COL5A3: variants seen among roughly 807,000 people sequenced by gnomAD.
COL5A3 encodes the protein collagen alpha-3(V) chain.
COL5A3 carries 172 observed loss-of-function variants against 250.0 expected under a neutral mutation model. The ratio of observed to expected loss-of-function variants is 0.69; its 90% CI spans 0.61 to 0.78. The LOEUF is 0.78. Ranked by LOEUF, COL5A3 falls within the 30% of genes least tolerant of loss-of-function variation. The probability of loss-of-function intolerance (pLI) is 0.00; values close to 1 mark genes in which losing one functional copy is unlikely to be tolerated. For synonymous variants in COL5A3, 937 were observed against 900.4 expected (o/e 1.04, Z -0.73); for missense variants, 2,340 against 2,334.4 (o/e 1.00, Z -0.05).
Position 9,968,681 on chromosome 19 carries a change from C to T in COL5A3, c.4200G>A (p.Gly1400=). The part of the protein sequence containing the change: ...PGLKGDTGPK[G]EKGHIGLIGL... ...AATGGAATGATGTCCTTACCTTTTC[C>T]CCCTTGGGGCCAGTGTCTCCCTTCA... The change falls in exon 58 of 67, where the codon GGG becomes GGA. Residue 1400 remains glycine (G), a synonymous_variant. Coordinates refer to ENST00000264828, the MANE Select transcript of COL5A3 (RefSeq NM_015719.4). This position sits in a 1 kb window ranked among gnomAD's most constrained non-coding sequence, Gnocchi z 4.1. 4 of 1,606,068 alleles carry T rather than the reference C, an allele frequency of 2.5e-6. No homozygotes were observed. The highest frequency in any genetic ancestry group is 3.4e-6 in the Non-Finnish European group (4 of 1,177,208).
intron 54 of COL5A3, among the ~76,000 whole-genome samples, chr19:9,970,406 G>C (rs2086822480): frequency 1.4e-5 from 1 of 70,862 alleles, no homozygotes. Flanking sequence ...TGGGGTCTGT[G>C]GGGTGAGTGG....
At chr19:10,005,308 C>A (rs2087425718) in intron 4 of COL5A3, among the ~76,000 whole-genome samples, 1 of 151,648 alleles carries the variant, frequency 6.6e-6, no homozygotes, top group Non-Finnish European at 1.5e-5. Context: ...TGAGATCAAG[C>A]CACTGCACTC....
At chr19:10,006,711 C>T (rs2087449034) in intron 1 of COL5A3, among the ~76,000 whole-genome samples, 1 of 152,076 alleles carries the variant, frequency 6.6e-6, no homozygotes, top group Admixed American at 6.5e-5. Context: ...CCATCACCCA[C>T]AACCTCTTCC....
rs747759254 is a variant in COL5A3 at position 9,970,605 on chromosome 19, G to C, written c.3936+17C>G. 5.6e-6 allele frequency: 8 copies of C among 1,427,368 alleles called. No individual in the cohort carries two copies. Among genetic ancestry groups the C allele is most frequent in the Non-Finnish European group, 6.4e-6 (7 of 1,088,662 alleles). The allele number at this position is 1,427,368 out of a possible 1,614,324, so 88.4% of individuals were successfully genotyped here. A position where few individuals can be genotyped will look rare whatever the true frequency, so the allele number is the denominator to read the frequency against. ...CTGTAGATAAGCTGAGGACCCAGGA[G>C]GTGGCTTATCACTTACCCTCTTGCC... is the stretch of plus-strand genomic sequence containing the variant. On this transcript the variant is annotated intron_variant, in intron 54 of 66. Coordinates refer to ENST00000264828, the MANE Select transcript of COL5A3 (RefSeq NM_015719.4).
intron 49 of COL5A3, 49 bp downstream of exon 49, chr19:9,973,707 A>G (rs759863398): frequency 2.5e-6 from 4 of 1,613,044 alleles, no homozygotes; most frequent in Non-Finnish European, 3.4e-6. Context: ...GCCCAATAGG[A>G]CTAGATTTAT....
At position 9,977,598 on chromosome 19, in the gene COL5A3, G is replaced by A. The variant is rs2086941408; in HGVS notation, c.3122C>T (p.Ser1041Phe). Residue 1041 changes from serine (S) to phenylalanine (F), a missense_variant, in exon 42 of 67, where the codon TCC becomes TTC. Physicochemically the swap from Ser to Phe is radical, Grantham distance 155. Around this residue, in one of 3 missense-constraint regions of COL5A3, gnomAD observed 1,179 missense variants for 1,162.6 expected, o/e 1.01. Coordinates refer to ENST00000264828, the MANE Select transcript of COL5A3 (RefSeq NM_015719.4). ...TGGGATGGGCAAGTCACTTACCCGG[G>A]ACCCCTTCTTGCCTGCAGGGCCAAC... The part of the protein sequence containing the change: ...GPVGPAGKKG[S>F]RGERGPPGPT... The A allele has an allele frequency of 6.3e-7, 1 of 1,586,176 alleles. No individual in the cohort carries two copies. The highest frequency in any genetic ancestry group is 8.6e-7 in the Non-Finnish European group (1 of 1,166,306).
chr19:9,989,027 TC>T lies in COL5A3; in HGVS notation c.2145+96del. 3.8e-6 allele frequency: 5 copies of T among 1,301,114 alleles called. No homozygotes were observed. In the South Asian group the frequency reaches 5.9e-5, roughly 15 times the overall value. The allele number at this position is 1,301,114 out of a possible 1,614,324, so 80.6% of individuals were successfully genotyped here. A position where few individuals can be genotyped will look rare whatever the true frequency, so the allele number is the denominator to read the frequency against. On this transcript the variant is annotated intron_variant, in intron 27 of 66. Transcript: ENST00000264828. The stretch of plus-strand genomic sequence containing the variant: ...ACTACATTTGGCCTGGCCAACTGAT[TC>T]CCCTCTCCACACATCCAGAAGTTTC...
chr19:9,981,467 C>T (rs930924966), intron 32 of COL5A3, among the ~76,000 whole-genome samples: 5 of 152,140 alleles, frequency 3.3e-5, no homozygotes, highest in African/African-American at 1.2e-4. Context: ...GAAGATGACA[C>T]AGAACTCATC....
rs2161468 is a variant in COL5A3 at position 9,977,595 on chromosome 19, C to G, written c.3125G>C (p.Arg1042Pro). The change falls in exon 42 of 67, where the codon CGG becomes CCG. Residue 1042 changes from arginine (R) to proline (P), a missense_variant and splice_region_variant. Transcript: ENST00000264828. ...PVGPAGKKGS[R>P]GERGPPGPTG... ...GAATGGGATGGGCAAGTCACTTACCCGGGACCCCTTCTTGCCTGCAGGGCC... is the reference window on the plus strand; with the variant it reads ...GAATGGGATGGGCAAGTCACTTACCGGGGACCCCTTCTTGCCTGCAGGGCC... 0.4 allele frequency: 630,677 copies of G among 1,580,152 alleles called. 126,938 individuals carry two copies. The highest frequency in any genetic ancestry group is 0.41 in the Non-Finnish European group (480,532 of 1,162,804).
Position 9,966,656 on chromosome 19 carries a change from G to C in COL5A3, c.4549C>G (p.Leu1517Val). The part of the protein sequence containing the change: ...PVVEGGLEEV[L>V]ASLTSLSLEL... Reference sequence around the variant, plus strand: ...AAGCTCAGCGATGTGAGCGAGGCCAGCACCTCCTCCAGGCCGCCCTCCACG... The same window carrying C: ...AAGCTCAGCGATGTGAGCGAGGCCACCACCTCCTCCAGGCCGCCCTCCACG... The change falls in exon 63 of 67, where the codon CTG becomes GTG. Residue 1517 changes from leucine to valine, a missense_variant. By Grantham distance (32) the Leu-to-Val change is conservative. Coordinates refer to ENST00000264828, the MANE Select transcript of COL5A3 (RefSeq NM_015719.4). The C allele has an allele frequency of 6.5e-7, 1 of 1,538,246 alleles. No homozygotes were observed. Among genetic ancestry groups the C allele is most frequent in the Non-Finnish European group, 8.7e-7 (1 of 1,147,278 alleles).
At chr19:9,998,258 G>A (rs914038439) in intron 8 of COL5A3, 109 bp from the exon 9 acceptor site, 74 of 943,128 alleles carry the variant, frequency 7.8e-5, no homozygotes, top group Non-Finnish European at 9.8e-5. Flanking sequence ...ACACACACAC[G>A]GAGTCCACCC....
intron 16 of COL5A3, among the ~76,000 whole-genome samples, chr19:9,994,376 G>A (rs2087239617): frequency 6.7e-6 from 1 of 149,528 alleles, no homozygotes; most frequent in Non-Finnish European, 1.5e-5. Flanking sequence ...TAGAGACCGG[G>A]TTTTGCCATG....
In COL5A3 at chr19:9,993,078, G is replaced by C; in HGVS notation, c.1750-11C>G. 6.2e-7 allele frequency: 1 copy of C among 1,613,776 alleles called. No individual in the cohort carries two copies. Among genetic ancestry groups the C allele is most frequent in the Non-Finnish European group, 8.5e-7 (1 of 1,179,814 alleles). ...AGGTCCCTCTGCTCCCTGTGGAAAA[G>C]CGTCATTACTTGGGAACAGGAAGGT... is the stretch of plus-strand genomic sequence containing the variant. On this transcript the variant is annotated splice_polypyrimidine_tract_variant and intron_variant, in intron 19 of 66. Coordinates refer to ENST00000264828, the MANE Select transcript of COL5A3 (RefSeq NM_015719.4).
chr19:10,001,869 T>C lies in COL5A3; in HGVS notation c.862A>G (p.Ile288Val). ...DSAENQTSTD[I>V]PKTETPAPNL... is the part of the protein sequence containing the mutation. ...GGAGCTGGAGTCTCTGTCTTGGGGA[T>C]GTCAGTGGAGGTCTGGAGCAGGGAT... Residue 288 changes from isoleucine (I) to valine (V), a missense_variant, in exon 7 of 67, where the codon ATC becomes GTC. Physicochemically the swap from Ile to Val is conservative, Grantham distance 29. Coordinates refer to ENST00000264828, the MANE Select transcript of COL5A3 (RefSeq NM_015719.4). 6.2e-7 allele frequency: 1 copy of C among 1,613,618 alleles called. No individual in the cohort carries two copies. Among genetic ancestry groups the C allele is most frequent in the Non-Finnish European group, 8.5e-7 (1 of 1,179,760 alleles).
In COL5A3 at chr19:9,973,526, G is replaced by T; in HGVS notation, c.3666+44C>A. ...GGCCCAAGATGCCCAGGGGTCAGGG[G>T]TTCCCTGAGTTGGGTGCAGGGACCA... is the stretch of plus-strand genomic sequence containing the variant. On this transcript the variant is annotated intron_variant, in intron 50 of 66. Transcript: ENST00000264828. The T allele has an allele frequency of 3.2e-6, 5 of 1,581,812 alleles. No homozygotes were observed. In the South Asian group the frequency reaches 4.6e-5, roughly 15 times the overall value.
intron 31 of COL5A3, among the ~76,000 whole-genome samples, chr19:9,984,427 C>T (rs761971840): frequency 1.3e-5 from 2 of 152,174 alleles, no homozygotes; most frequent in Non-Finnish European, 2.9e-5. Context: ...AGTGTCCTCA[C>T]CCATCAAAAC....
Position 9,966,649 on chromosome 19 carries a change from G to T in COL5A3, c.4556C>A (p.Ser1519Ter), listed in dbSNP as rs1027315262. ...VEGGLEEVLA[S>*]LTSLSLELEQ... ...CAGCTCCAAGCTCAGCGATGTGAGC[G>T]AGGCCAGCACCTCCTCCAGGCCGCC... The change falls in exon 63 of 67, where the codon TCG becomes TAG. Residue 1519 changes from serine (S) to a stop codon, truncating the protein, a stop_gained. Transcript: ENST00000264828. LOFTEE classifies it high-confidence loss of function. The T allele has an allele frequency of 6.5e-7, 1 of 1,538,258 alleles. No homozygotes were observed. The highest frequency in any genetic ancestry group is 2.0e-5 in the Admixed American group (1 of 51,082).
In COL5A3 at chr19:9,996,467, T is replaced by C. The variant is rs779639633; in HGVS notation, c.1388A>G (p.Gln463Arg). The C allele has an allele frequency of 1.9e-6, 3 of 1,614,048 alleles. No homozygotes were observed. In the South Asian group the frequency reaches 3.3e-5, roughly 18 times the overall value. The change falls in exon 13 of 67, where the codon CAG (glutamine) becomes CGG (arginine). Residue 463 changes from glutamine (Q) to arginine (R), a missense_variant. Physicochemically the swap from Gln to Arg is conservative, Grantham distance 43 (BLOSUM62 1). This residue lies in a region of COL5A3 where 1,152 missense variants were observed against 1,146.3 expected (regional missense o/e 1.00). Coordinates refer to ENST00000264828, the MANE Select transcript of COL5A3 (RefSeq NM_015719.4). ...SFKGPPVSFQ[Q>R]AQAQAVLQQT... ...CTGCAGAACTGCCTGAGCCTGGGCCTGCTGGAATGAGACTGGGGGGCCTTT... is the reference window on the plus strand; with the variant it reads ...CTGCAGAACTGCCTGAGCCTGGGCCCGCTGGAATGAGACTGGGGGGCCTTT...
chr19:9,967,048 G>C (rs572462544), intron 62 of COL5A3, among the ~76,000 whole-genome samples: 1 of 148,418 alleles, frequency 6.7e-6, no homozygotes, highest in African/African-American at 2.4e-5. Context: ...TGAAATAGTG[G>C]CGCCAGTATA....
Sources: gnomAD v4.1 joint callset for allele counts (sites outside exome capture counted in the v4.1 genomes callset) on GRCh38, gnomAD v4.1.1 for gene constraint, gnomAD v4.1.1 regional missense constraint, Gnocchi (gnomAD v3.1) non-coding constraint, MANE v1.5 for transcripts, NCBI Gene and HGNC (gene_info 2026-07-23, HGNC 2026-07-21) for gene names.